The following EIF2AK1 variants were observed in gnomAD, a reference collection of about 807,000 sequenced individuals.
EIF2AK1 encodes eukaryotic translation initiation factor 2 alpha kinase 1, also known as eukaryotic translation initiation factor 2-alpha kinase 1.
A neutral mutation model predicts 77.9 loss-of-function variants in EIF2AK1; 54 were observed. The ratio of observed to expected loss-of-function variants is 0.69; its 90% CI spans 0.56 to 0.87. The LOEUF is 0.87. Ranked by LOEUF, EIF2AK1 falls within the 40% of genes least tolerant of loss-of-function variation. EIF2AK1 has a pLI of 0.00. For missense variants in EIF2AK1, 810 were observed against 768.6 expected, an observed-to-expected ratio of 1.05 and a Z score of -0.64; for synonymous variants, 314 against 290.5, an observed-to-expected ratio of 1.08 and a Z score of -0.82.
At chr7:6,042,864 G>T in intron 8 of EIF2AK1, 69 bp downstream of exon 8, 2 of 1,387,366 alleles carry the variant, frequency 1.4e-6, no homozygotes, top group Non-Finnish European at 2.0e-6. Context: ...AGACTCTGTC[G>T]CCAAAAAAAA....
chr7:6,041,232 A>T lies in EIF2AK1; in HGVS notation c.792-13T>A. ...ACCACATTGCTCTCTGAAAAAAAAA[A>T]AAATAGTAAACATAAAAGTCAATGG... On this transcript the variant is annotated splice_polypyrimidine_tract_variant and intron_variant, in intron 8 of 14. Transcript: ENST00000199389. The T allele has an allele frequency of 6.3e-7, 1 of 1,587,824 alleles. No individual in the cohort carries two copies.
At chr7:6,031,599 C>G in intron 11 of EIF2AK1, 1 of 1,550,376 alleles carries the variant, frequency 6.5e-7, no homozygotes, top group Non-Finnish European at 8.7e-7. Context: ...CAGGTACCCT[C>G]TTTTCTGCTC....
In EIF2AK1 at chr7:6,028,944, G is replaced by A; in HGVS notation, c.1421C>T (p.Thr474Ile). The change falls in exon 12 of 15, where the codon ACA becomes ATA. Residue 474 changes from threonine to isoleucine, a missense_variant. Coordinates refer to ENST00000199389, the MANE Select transcript of EIF2AK1 (RefSeq NM_014413.4). ...CTTCCCGTTTCTGTTGGTCCAGTCTGTGTTCTTCTGTAGGATGTCTGTGCA... is the reference window on the plus strand; with the variant it reads ...CTTCCCGTTTCTGTTGGTCCAGTCTATGTTCTTCTGTAGGATGTCTGTGCA... ...LACTDILQKN[T>I]DWTNRNGKRT... The A allele has an allele frequency of 6.2e-7, 1 of 1,609,600 alleles. No homozygotes were observed. Among genetic ancestry groups the A allele is most frequent in the Non-Finnish European group, 8.5e-7 (1 of 1,179,064 alleles).
At chr7:6,054,087 A>G (rs1290202315) in intron 2 of EIF2AK1, among the ~76,000 whole-genome samples, 7 of 151,852 alleles carry the variant, frequency 4.6e-5, no homozygotes, top group Non-Finnish European at 1.0e-4. Flanking sequence ...CCCATTAACC[A>G]TCCTCCACTA....
chr7:6,035,599 C>A lies in EIF2AK1; in HGVS notation c.1332+1825G>T. The A allele has an allele frequency of 6.4e-7, 1 of 1,551,038 alleles. No individual in the cohort carries two copies. Among genetic ancestry groups the A allele is most frequent in the South Asian group, 1.2e-5 (1 of 84,052 alleles). On this transcript the variant is annotated intron_variant, in intron 11 of 14. Transcript: ENST00000199389. This position sits in a 1 kb window ranked among gnomAD's most constrained non-coding sequence, Gnocchi z 5.5. ...CTCCGCATCTTGTGTGCGCACGGAGCTCAAGTGAACACTCAAGGGGAAATC... is the reference window on the plus strand; with the variant it reads ...CTCCGCATCTTGTGTGCGCACGGAGATCAAGTGAACACTCAAGGGGAAATC...
intron 1 of EIF2AK1, 117 bp downstream of exon 1, chr7:6,058,849 C>G: frequency 6.4e-6 from 6 of 930,640 alleles, no homozygotes; most frequent in Non-Finnish European, 9.1e-6. Flanking sequence ...CCGGTTCAAC[C>G]CTGGAGGCAG....
chr7:6,044,693 T>A, intron 6 of EIF2AK1, 32 bp from the exon 7 acceptor site: 1 of 1,583,760 alleles, frequency 6.3e-7, no homozygotes, highest in Non-Finnish European at 8.7e-7. Flanking sequence ...ATCTGCCTTT[T>A]GCTGATAACT....
chr7:6,040,958 T>A lies in EIF2AK1; in HGVS notation c.1053A>T (p.Leu351=). 6.2e-7 allele frequency: 1 copy of A among 1,614,156 alleles called. No individual in the cohort carries two copies. The highest frequency in any genetic ancestry group is 2.2e-5 in the East Asian group (1 of 44,880). The change falls in exon 9 of 15, where the codon CTA becomes CTT. Residue 351 remains leucine, a synonymous_variant. Transcript: ENST00000199389. ...CTTCGGTGGATGTGAAACTCTCCTC[T>A]AGGTGGGAATTACGCCTGAGTGGCA... ...QQLPLRRNSH[L]EESFTSTEES... is the part of the protein sequence containing the mutation.
At position 6,040,885 on chromosome 7, in the gene EIF2AK1, A is replaced by T; in HGVS notation, c.1119+7T>A. On this transcript the variant is annotated splice_region_variant and intron_variant, in intron 9 of 14. Coordinates refer to ENST00000199389, the MANE Select transcript of EIF2AK1 (RefSeq NM_014413.4). ...CCAAATTAGGAGGGTCTGGGAAAGTAATCTACCTCTGTCTGACCCAAAAAG... is the reference window on the plus strand; with the variant it reads ...CCAAATTAGGAGGGTCTGGGAAAGTTATCTACCTCTGTCTGACCCAAAAAG... 1 of 1,612,084 alleles carries T rather than the reference A, an allele frequency of 6.2e-7. No individual in the cohort carries two copies. The highest frequency in any genetic ancestry group is 8.5e-7 in the Non-Finnish European group (1 of 1,178,302).
intron 6 of EIF2AK1, among the ~76,000 whole-genome samples, chr7:6,045,249 G>A (rs956268158): frequency 1.3e-5 from 2 of 151,888 alleles, no homozygotes; most frequent in Non-Finnish European, 2.9e-5. Flanking sequence ...GGGATTACAA[G>A]CATGCACTAC....
At position 6,028,663 on chromosome 7, in the gene EIF2AK1, A is replaced by G. The variant is rs1233229138; in HGVS notation, c.1482T>C (p.Cys494=). The G allele has an allele frequency of 3.1e-6, 5 of 1,614,128 alleles. No homozygotes were observed. Among genetic ancestry groups the G allele is most frequent in the South Asian group, 2.2e-5 (2 of 91,096 alleles). The change falls in exon 13 of 15, where the codon TGT becomes TGC. Residue 494 remains cysteine, a synonymous_variant. Coordinates refer to ENST00000199389, the MANE Select transcript of EIF2AK1 (RefSeq NM_014413.4). ...CCAACTGTTCGGGTGAAGCGTACAG[A>G]CAAGTACCCACTCTGGACGTATGTG... ...TPTHTSRVGT[C]LYASPEQLEG...
chr7:6,040,819 G>C (rs1011449575), intron 9 of EIF2AK1, 73 bp downstream of exon 9: 1 of 1,241,256 alleles, frequency 8.1e-7, no homozygotes, highest in Non-Finnish European at 1.2e-6. Flanking sequence ...GCTGAGAGAG[G>C]GCGAGAGAAG....
At chr7:6,031,537 C>G in intron 11 of EIF2AK1, 1 of 1,550,802 alleles carries the variant, frequency 6.4e-7, no homozygotes, top group Non-Finnish European at 8.7e-7. Context: ...ACCCTGTCAA[C>G]CAGCCCATCA....
Position 6,046,648 on chromosome 7 carries a change from A to G in EIF2AK1, c.549+344T>C, listed in dbSNP as rs1583493134. 6 of 185,292 alleles carry G rather than the reference A, an allele frequency of 3.2e-5. No homozygotes were observed. In the East Asian group the frequency reaches 9.2e-4, roughly 29 times the overall value. 11.5% of individuals were successfully genotyped at this position (185,292 alleles called of 1,614,324 possible). A position where few individuals can be genotyped will look rare whatever the true frequency, so the allele number is the denominator to read the frequency against. On this transcript the variant is annotated intron_variant, in intron 5 of 14. Coordinates refer to ENST00000199389, the MANE Select transcript of EIF2AK1 (RefSeq NM_014413.4). ...GCCGAGCACGGTGGCTTATGCCTGTAATGCCAGCACTTTGGAAGGCCGAGG... is the reference window on the plus strand; with the variant it reads ...GCCGAGCACGGTGGCTTATGCCTGTGATGCCAGCACTTTGGAAGGCCGAGG...
rs751805787 is a variant in EIF2AK1, at chr7:6,032,647, T to A, written c.1333-3615A>T. Among the ~76,000 whole-genome samples the A allele has an allele frequency of 2.6e-5, 4 of 152,244 alleles. No homozygotes were observed. The highest frequency in any genetic ancestry group is 5.9e-5 in the Non-Finnish European group (4 of 68,040). On this transcript the variant is annotated intron_variant, in intron 11 of 14. Transcript: ENST00000199389. The surrounding 1 kb of genome is among the most constrained non-coding windows in gnomAD (Gnocchi z 4.3). ...GCATTTCTGTGAAACACAGATTTTA[T>A]AGGATGGAATTCACTGAATTTTGAT...
intron 3 of EIF2AK1, among the ~76,000 whole-genome samples, chr7:6,049,339 C>T (rs1003779332): frequency 1.3e-5 from 2 of 152,098 alleles, no homozygotes; most frequent in African/African-American, 4.8e-5. Flanking sequence ...GTCAGGAGTT[C>T]GAGACCAGCC....
Position 6,032,726 on chromosome 7 carries a change from G to T in EIF2AK1, c.1333-3694C>A. ...TTTCAATGCACATACCAGAAAAAGA[G>T]TGAGCCAATGAGACACTAAATAAAT... is the stretch of plus-strand genomic sequence containing the variant. On this transcript the variant is annotated intron_variant, in intron 11 of 14. Transcript: ENST00000199389. The surrounding 1 kb of genome is among the most constrained non-coding windows in gnomAD (Gnocchi z 4.3). 1.3e-6 allele frequency: 1 copy of T among 779,718 alleles called. No homozygotes were observed. Among genetic ancestry groups the T allele is most frequent in the Non-Finnish European group, 2.0e-6 (1 of 493,696 alleles). 48.3% of individuals were successfully genotyped at this position (779,718 alleles called of 1,614,324 possible). A position where few individuals can be genotyped will look rare whatever the true frequency, so the allele number is the denominator to read the frequency against.
Position 6,024,804 on chromosome 7 carries a change from G to T in EIF2AK1, c.1765-3C>A. 6.7e-7 allele frequency: 1 copy of T among 1,487,126 alleles called. No homozygotes were observed. Among genetic ancestry groups the T allele is most frequent in the East Asian group, 2.5e-5 (1 of 40,092 alleles). The allele number at this position is 1,487,126 out of a possible 1,614,324, so 92.1% of individuals were successfully genotyped here. A position where few individuals can be genotyped will look rare whatever the true frequency, so the allele number is the denominator to read the frequency against. On this transcript the variant is annotated splice_polypyrimidine_tract_variant and splice_region_variant and intron_variant, in intron 14 of 14. Coordinates refer to ENST00000199389, the MANE Select transcript of EIF2AK1 (RefSeq NM_014413.4). ...TTCATCTGTAGGGTGAGGTTAACCTGTAAGGAGAAAATATTTTAAACTCCA... is the reference window on the plus strand; with the variant it reads ...TTCATCTGTAGGGTGAGGTTAACCTTTAAGGAGAAAATATTTTAAACTCCA...
chr7:6,041,186 G>A lies in EIF2AK1; in HGVS notation c.825C>T (p.Ser275=), dbSNP rs372727436. 4 of 1,610,810 alleles carry A rather than the reference G, an allele frequency of 2.5e-6. No homozygotes were observed. The highest frequency in any genetic ancestry group is 3.4e-6 in the Non-Finnish European group (4 of 1,179,338). Reference sequence around the variant, plus strand: ...GCTCAGCAAAGATAATGGATGAGCTGCTACTTTCATCATTTTTAACACCAC... The same window carrying A: ...GCTCAGCAAAGATAATGGATGAGCTACTACTTTCATCATTTTTAACACCAC... ...EQCGVKNDES[S]SSSIIFAEPT... is the part of the protein sequence containing the mutation. The change falls in exon 9 of 15, where the codon AGC becomes AGT. Residue 275 remains serine, a synonymous_variant. Coordinates refer to ENST00000199389, the MANE Select transcript of EIF2AK1 (RefSeq NM_014413.4).
Sources: allele counts gnomAD v4.1 joint callset (sites outside exome capture counted in the v4.1 genomes callset), GRCh38; gene constraint gnomAD v4.1.1; non-coding constraint Gnocchi (gnomAD v3.1); transcripts MANE v1.5; gene names NCBI Gene and HGNC (gene_info 2026-07-23, HGNC 2026-07-21).